Variants in GPHN observed in about 807,000 individuals in gnomAD.
The protein encoded by GPHN is gephyrin.
Under a neutral mutation model 95.5 loss-of-function variants are expected in GPHN, and 17 were observed. The observed-to-expected ratio is 0.18, with a 90% CI of 0.12 to 0.27. The LOEUF (loss-of-function observed/expected upper bound fraction) is 0.27, where lower values mean the gene tolerates loss of function less well. GPHN is among the 10% of genes least tolerant of loss of function. GPHN has a pLI of 1.00. For synonymous variants in GPHN, 320 were observed against 322.5 expected (o/e 0.99, Z 0.08); for missense variants, 660 against 978.1 (o/e 0.67, Z 4.34).
At chr14:66,824,448 A>C (rs769405996) in intron 3 of GPHN, 26 bp from the exon 4 acceptor site, 7 of 1,264,820 alleles carry the variant, frequency 5.5e-6, no homozygotes, top group Non-Finnish European at 8.1e-6. Context: ...TTTTCTGCAC[A>C]TGACTATACT....
intron 1 of GPHN, among the ~76,000 whole-genome samples, chr14:66,669,029 G>T (rs55866834): frequency 0.31 from 47,042 of 151,396 alleles, 11,110 homozygotes; most frequent in African/African-American, 0.63. Flanking sequence ...TACAGGCAGG[G>T]TTTGGCTATG....
intron 2 of GPHN, among the ~76,000 whole-genome samples, chr14:66,751,157 A>G (rs374631571): frequency 1.8e-4 from 28 of 152,020 alleles, no homozygotes; most frequent in Non-Finnish European, 1.5e-5. Flanking sequence ...GTGAACCTAC[A>G]CATTCACGTG....
intron 4 of GPHN, among the ~76,000 whole-genome samples, chr14:66,828,124 GT>G (rs1278328907): frequency 6.6e-6 from 1 of 151,504 alleles, no homozygotes; most frequent in African/African-American, 2.4e-5. Context: ...TCTTTAATAG[GT>G]TCACTTCATA....
chr14:67,254,958 A>G, the GPHN span, among the ~76,000 whole-genome samples: 12 of 152,278 alleles, frequency 7.9e-5, no homozygotes, highest in South Asian at 2.1e-4. Context: ...AGACCATCCT[A>G]GCCAACATGG....
intron 9 of GPHN, among the ~76,000 whole-genome samples, chr14:66,966,287 T>C (rs1412988272): frequency 6.6e-6 from 1 of 152,150 alleles, no homozygotes; most frequent in Non-Finnish European, 1.5e-5. Flanking sequence ...CTAGAAGGGA[T>C]CTCAGTTTCT....
chr14:67,129,738 G>T (rs1246047375), intron 17 of GPHN, among the ~76,000 whole-genome samples: 2 of 150,304 alleles, frequency 1.3e-5, no homozygotes, highest in African/African-American at 4.9e-5. Context: ...TAGATGATAG[G>T]TTGGCAGCAT....
chr14:66,707,011 C>T (rs1410529401), intron 2 of GPHN, among the ~76,000 whole-genome samples: 5 of 147,794 alleles, frequency 3.4e-5, no homozygotes, highest in Admixed American at 3.4e-4. Flanking sequence ...TATTAACAGA[C>T]ACTTCTCAAA....
chr14:67,086,293 T>C (rs1202304524), intron 11 of GPHN, among the ~76,000 whole-genome samples: 2 of 152,192 alleles, frequency 1.3e-5, no homozygotes, highest in East Asian at 3.8e-4. Flanking sequence ...GTGAGAGATA[T>C]AAAGGAAGAG....
rs532384758 is a variant in GPHN at position 66,777,194 on chromosome 14, C to T, written c.201+673C>T. On this transcript the variant is annotated intron_variant, in intron 3 of 22. Transcript: ENST00000478722. The stretch of plus-strand genomic sequence containing the variant: ...CTACCATCAGAGAATACTACAAACA[C>T]CTCTACGCAAATAAACTAGAAAATC... Among the ~76,000 whole-genome samples, 21 of 151,958 alleles carry T rather than the reference C, an allele frequency of 1.4e-4. No homozygotes were observed. In the South Asian group the frequency reaches 4.4e-3, roughly 32 times the overall value.
rs144745844 is a variant in GPHN, at chr14:67,069,527, G to C, written c.1144+10741G>C. ...AGTATTCTAAAAGAGATACTTCACT[G>C]CTACAAACTTAGTTCCAACAGCAAA... On this transcript the variant is annotated intron_variant, in intron 11 of 22. Transcript: ENST00000478722. 2.5e-4 allele frequency among the ~76,000 whole-genome samples: 38 copies of C among 152,340 alleles called. No individual in the cohort carries two copies. The East Asian group carries it at 5.6e-3, about 22-fold the overall frequency.
chr14:67,246,697 CTGGAG>C, the GPHN span, among the ~76,000 whole-genome samples: 1 of 134,410 alleles, frequency 7.4e-6, no homozygotes. Context: ...TCTCGCCAGG[CTGGAG>C]TGCAGTGGCA....
intron 1 of GPHN, among the ~76,000 whole-genome samples, chr14:66,643,886 G>A (rs1006206646): frequency 6.0e-5 from 9 of 151,226 alleles, no homozygotes; most frequent in Admixed American, 1.3e-4. Flanking sequence ...GTTTTACTTC[G>A]ATCAGTTTAA....
intron 1 of GPHN, among the ~76,000 whole-genome samples, chr14:66,613,409 A>G (rs1002107397): frequency 5.9e-5 from 9 of 152,068 alleles, no homozygotes; most frequent in African/African-American, 2.2e-4. Flanking sequence ...AAAATCACCA[A>G]CAAAATGCAT....
chr14:66,685,353 T>C (rs913407197), intron 2 of GPHN, among the ~76,000 whole-genome samples: 14 of 152,184 alleles, frequency 9.2e-5, no homozygotes, highest in African/African-American at 1.4e-4. Flanking sequence ...TTGAACTAGT[T>C]TACAGTCCCA....
Position 66,835,652 on chromosome 14 carries a change from A to G in GPHN, c.294+11086A>G, listed in dbSNP as rs536602013. ...ATTCAATTAGGAAAAGAGGAAGTCA[A>G]ATTGTCCGTGTCTGCAGATGACATG... On this transcript the variant is annotated intron_variant, in intron 4 of 22. Coordinates refer to ENST00000478722, the MANE Select transcript of GPHN (RefSeq NM_020806.5). Among the ~76,000 whole-genome samples the G allele has an allele frequency of 2.6e-4, 40 of 152,246 alleles. No homozygotes were observed. The South Asian group carries it at 8.1e-3, about 31-fold the overall frequency.
At position 66,778,010 on chromosome 14, in the gene GPHN, T is replaced by A. The variant is rs371636521; in HGVS notation, c.201+1489T>A. On this transcript the variant is annotated intron_variant, in intron 3 of 22. Transcript: ENST00000478722. Reference sequence around the variant, plus strand: ...AGGAGAAGGAAATAAAGGGTATTCATTTAGGAAAAGAGGAAGTCACATTGT... The same window carrying A: ...AGGAGAAGGAAATAAAGGGTATTCAATTAGGAAAAGAGGAAGTCACATTGT... Among the ~76,000 whole-genome samples, 1,151 of 151,078 alleles carry A rather than the reference T, an allele frequency of 7.6e-3. 11 individuals carry two copies. The highest frequency in any genetic ancestry group is 0.014 in the Middle Eastern group (4 of 292).
At chr14:67,500,289 C>T in the GPHN span, among the ~76,000 whole-genome samples, 1 of 152,128 alleles carries the variant, frequency 6.6e-6, no homozygotes, top group African/African-American at 2.4e-5. Context: ...GCCTGGCCAA[C>T]ATGGTGAAAC....
chr14:67,398,710 C>A, the GPHN span, among the ~76,000 whole-genome samples: 6 of 152,128 alleles, frequency 3.9e-5, no homozygotes, highest in Non-Finnish European at 8.8e-5. Context: ...GCGTGTGCCA[C>A]CACACCCGGC....
intron 5 of GPHN, among the ~76,000 whole-genome samples, chr14:66,894,266 A>T (rs2064702584): frequency 6.6e-6 from 1 of 152,224 alleles, no homozygotes; most frequent in Non-Finnish European, 1.5e-5. Flanking sequence ...TGGGGAAAGG[A>T]TTCCCTATTT....
Sources: gnomAD v4.1 joint callset for allele counts (sites outside exome capture counted in the v4.1 genomes callset) on GRCh38, gnomAD v4.1.1 for gene constraint, MANE v1.5 for transcripts, NCBI Gene and HGNC (gene_info 2026-07-23, HGNC 2026-07-21) for gene names.